OTUD7A: variants seen among roughly 807,000 people sequenced by gnomAD.
OTUD7A encodes OTU deubiquitinase 7A.
In OTUD7A, 12 loss-of-function variants were observed where a neutral mutation model predicts 65.7. That is an observed-to-expected ratio of 0.18 (90% CI 0.12 to 0.30). The LOEUF (loss-of-function observed/expected upper bound fraction) is 0.30, where lower values mean the gene tolerates loss of function less well. Ranked by LOEUF, OTUD7A falls within the 10% of genes least tolerant of loss-of-function variation. OTUD7A has a pLI of 1.00. For missense variants in OTUD7A, 1,148 were observed against 1,304.8 expected (o/e 0.88, Z 1.85); for synonymous variants, 641 against 586.3 (o/e 1.09, Z -1.35).
intron 1 of OTUD7A, among the ~76,000 whole-genome samples, chr15:31,731,675 G>C (rs1894047350): frequency 1.3e-5 from 2 of 152,284 alleles, no homozygotes; most frequent in Middle Eastern, 3.4e-3. Context: ...AACAGCAAGA[G>C]TGAACCCAGA....
chr15:31,570,209 A>G lies in OTUD7A; in HGVS notation c.152-12T>C, dbSNP rs1426325961. The G allele has an allele frequency of 3.3e-5, 53 of 1,613,508 alleles. No individual in the cohort carries two copies. The highest frequency in any genetic ancestry group is 4.3e-5 in the Non-Finnish European group (51 of 1,179,558). ...GTCCCAGTTTTTGCCTGTGGACAAG[A>G]AATGACAAGAGGTGACAATACGAAC... On this transcript the variant is annotated splice_polypyrimidine_tract_variant and intron_variant, in intron 3 of 12. Coordinates refer to ENST00000307050, the MANE Select transcript of OTUD7A (RefSeq NM_001382637.1).
chr15:31,623,320 A>G (rs149172990), intron 3 of OTUD7A, among the ~76,000 whole-genome samples: 3,651 of 152,260 alleles, frequency 0.024, 144 homozygotes, highest in African/African-American at 0.084. Context: ...AAGTCTGCAG[A>G]GGTTTGTGCT....
chr15:31,754,714 T>C (rs1337442479), intron 1 of OTUD7A, among the ~76,000 whole-genome samples: 3 of 152,228 alleles, frequency 2.0e-5, no homozygotes, highest in African/African-American at 4.8e-5. Flanking sequence ...CATTGGTCTA[T>C]GTGCCTGTTT....
At chr15:31,684,395 C>T (rs1398842074) in intron 1 of OTUD7A, among the ~76,000 whole-genome samples, 9 of 152,028 alleles carry the variant, frequency 5.9e-5, no homozygotes, top group African/African-American at 7.2e-5. Context: ...TGCTGTGAAA[C>T]GACAACTCCC....
At chr15:31,829,531 A>C (rs563621194) in intron 1 of OTUD7A, among the ~76,000 whole-genome samples, 18 of 152,298 alleles carry the variant, frequency 1.2e-4, no homozygotes, top group African/African-American at 4.3e-4. Context: ...TCCAATAAAG[A>C]TGTCAAACAT....
intron 10 of OTUD7A, among the ~76,000 whole-genome samples, chr15:31,489,796 T>C (rs1191760442): frequency 6.6e-6 from 1 of 152,182 alleles, no homozygotes; most frequent in Non-Finnish European, 1.5e-5. Flanking sequence ...ATGGGGTTCC[T>C]GGGGACTCCT....
At chr15:31,584,182 G>C (rs1456040654) in intron 3 of OTUD7A, among the ~76,000 whole-genome samples, 4 of 152,198 alleles carry the variant, frequency 2.6e-5, no homozygotes, top group African/African-American at 9.7e-5. Context: ...TGGAGTCACA[G>C]CTCCCAGTTC....
At chr15:31,802,139 G>GTATATATATA (rs533544165) in intron 1 of OTUD7A, among the ~76,000 whole-genome samples, 4 of 135,160 alleles carry the variant, frequency 3.0e-5, no homozygotes, top group African/African-American at 1.1e-4. Flanking sequence ...GTGTGTGTGT[G>GTATATATATA]TGTATATATA....
chr15:31,796,349 A>G (rs138791100), intron 1 of OTUD7A, among the ~76,000 whole-genome samples: 3 of 152,298 alleles, frequency 2.0e-5, no homozygotes, highest in African/African-American at 7.2e-5. Flanking sequence ...ACCCCAGGGA[A>G]GAAATGATAC....
At chr15:31,493,426 T>C (rs1287761047) in intron 10 of OTUD7A, among the ~76,000 whole-genome samples, 1 of 152,162 alleles carries the variant, frequency 6.6e-6, no homozygotes, top group Non-Finnish European at 1.5e-5. Context: ...AACAAATGTA[T>C]TACAGCTGCA....
chr15:31,763,044 A>C (rs922925405), intron 1 of OTUD7A, among the ~76,000 whole-genome samples: 4 of 152,208 alleles, frequency 2.6e-5, no homozygotes, highest in Non-Finnish European at 5.9e-5. Context: ...ACACTTTGTG[A>C]GGCTGAGGCA....
chr15:31,736,298 C>G (rs550017178), intron 1 of OTUD7A, among the ~76,000 whole-genome samples: 1 of 151,938 alleles, frequency 6.6e-6, no homozygotes, highest in Non-Finnish European at 1.5e-5. Context: ...GGTAACTCCA[C>G]CCCCCCAAAA....
intron 1 of OTUD7A, among the ~76,000 whole-genome samples, chr15:31,783,123 A>G (rs1378494558): frequency 6.6e-6 from 1 of 152,220 alleles, no homozygotes; most frequent in Non-Finnish European, 1.5e-5. Flanking sequence ...AGCCGGGAAG[A>G]AACCAAAAAG....
In OTUD7A at chr15:31,777,066, C is replaced by T. The variant is rs540708176; in HGVS notation, c.-100+93441G>A. The stretch of plus-strand genomic sequence containing the variant: ...GACAGCTGTAATGTGATACCATAAA[C>T]TGGGTCGCTCATAAACAGGCATTCA... On this transcript the variant is annotated intron_variant, in intron 1 of 12. Coordinates refer to ENST00000307050, the MANE Select transcript of OTUD7A (RefSeq NM_001382637.1). Among the ~76,000 whole-genome samples the T allele has an allele frequency of 4.6e-5, 7 of 152,228 alleles. No individual in the cohort carries two copies. In the East Asian group the frequency reaches 1.4e-3, roughly 29 times the overall value.
intron 3 of OTUD7A, among the ~76,000 whole-genome samples, chr15:31,579,859 T>C (rs1889320871): frequency 6.6e-6 from 1 of 152,262 alleles, no homozygotes; most frequent in Admixed American, 6.5e-5. Context: ...TGTGCATATC[T>C]GTACCACACA....
At chr15:31,801,034 G>C (rs34390559) in intron 1 of OTUD7A, among the ~76,000 whole-genome samples, 87,761 of 145,900 alleles carry the variant, frequency 0.6, 26,298 homozygotes, top group East Asian at 0.7. Context: ...GCTTAATGTA[G>C]AGCATTATCC....
In OTUD7A at chr15:31,870,494, A is replaced by G. The variant is rs1021308411; in HGVS notation, c.-100+13T>C. On this transcript the variant is annotated intron_variant, in intron 1 of 12. Transcript: ENST00000307050. ...GCCGCCCGCCGGCAGCACCGCGGCC[A>G]GCGCCGTCTTACCTGCCGCGCCGCG... is the stretch of plus-strand genomic sequence containing the variant. 4 of 147,732 alleles carry G rather than the reference A, an allele frequency of 2.7e-5. No homozygotes were observed. Among genetic ancestry groups the G allele is most frequent in the Non-Finnish European group, 6.0e-5 (4 of 66,328 alleles). The allele number at this position is 147,732 out of a possible 1,614,324, so 9.2% of individuals were successfully genotyped here.
chr15:31,587,045 A>G (rs901266512), intron 3 of OTUD7A, among the ~76,000 whole-genome samples: 65 of 152,036 alleles, frequency 4.3e-4, no homozygotes, highest in Admixed American at 7.2e-4. Context: ...CTCCTGACTC[A>G]ACACCTCTGC....
intron 1 of OTUD7A, among the ~76,000 whole-genome samples, chr15:31,753,715 T>TA (rs1894720802): frequency 8.5e-6 from 1 of 117,146 alleles, no homozygotes; most frequent in African/African-American, 4.2e-5. Flanking sequence ...TATATATATA[T>TA]ATATATTATA....
Sources: gnomAD v4.1 joint callset for allele counts (sites outside exome capture counted in the v4.1 genomes callset) on GRCh38, gnomAD v4.1.1 for gene constraint, MANE v1.5 for transcripts, NCBI Gene and HGNC (gene_info 2026-07-23, HGNC 2026-07-21) for gene names.